The following CAST variants were observed in gnomAD, a reference collection of about 807,000 sequenced individuals.
The protein encoded by CAST is calpastatin, also known as MIR583 host.
Under a neutral mutation model 119.6 loss-of-function variants are expected in CAST, and 76 were observed. The observed-to-expected ratio is 0.64, with a 90% CI of 0.53 to 0.77. CAST has a LOEUF of 0.77. Ranked by LOEUF, CAST falls within the 30% of genes least tolerant of loss-of-function variation. The pLI is 0.00. For missense variants in CAST, 953 were observed against 946.5 expected (o/e 1.01, Z -0.09); for synonymous variants, 319 against 331.6 (o/e 0.96, Z 0.41).
the CAST span, among the ~76,000 whole-genome samples, chr5:96,455,845 G>C: frequency 9.2e-5 from 14 of 152,246 alleles, no homozygotes; most frequent in Non-Finnish European, 1.5e-4. Flanking sequence ...TTTATGTGTT[G>C]ATTTGTTCTT....
the CAST span, among the ~76,000 whole-genome samples, chr5:96,343,553 TACC>T: frequency 6.6e-6 from 1 of 152,218 alleles, no homozygotes; most frequent in African/African-American, 2.4e-5. Context: ...CTAAGGAGGC[TACC>T]TGTAAGGAGA....
At chr5:96,226,515 G>T in the CAST span, among the ~76,000 whole-genome samples, 1 of 152,026 alleles carries the variant, frequency 6.6e-6, no homozygotes, top group Non-Finnish European at 1.5e-5. Flanking sequence ...AGCCAGGGGT[G>T]GGGTGGTGGC....
chr5:95,994,504 T>A, the CAST span, among the ~76,000 whole-genome samples: 2 of 151,932 alleles, frequency 1.3e-5, no homozygotes, highest in African/African-American at 4.8e-5. Context: ...AAAGAGGAAA[T>A]TTTTTTGGGT....
At chr5:95,984,021 C>T in the CAST span, among the ~76,000 whole-genome samples, 1 of 152,160 alleles carries the variant, frequency 6.6e-6, no homozygotes, top group South Asian at 2.1e-4. Flanking sequence ...CAAACCTATA[C>T]TCCTGCCCCA....
the CAST span, among the ~76,000 whole-genome samples, chr5:96,211,300 C>G: frequency 6.6e-6 from 1 of 151,920 alleles, no homozygotes; most frequent in Non-Finnish European, 1.5e-5. Context: ...TGGCTTTAAC[C>G]AGTTGAGGAA....
Position 96,773,090 on chromosome 5 carries a change from C to T in CAST, c.*474C>T, listed in dbSNP as rs1773052841. ...CTGATTTCTTATTACCCCCTTTCCT[C>T]TTGGGCTTTTGAACTGTATTTGATG... is the stretch of plus-strand genomic sequence containing the variant. On this transcript the variant is annotated 3_prime_UTR_variant, in exon 32 of 32. Transcript: ENST00000675179. 1 of 153,832 alleles carries T rather than the reference C, an allele frequency of 6.5e-6. No individual in the cohort carries two copies. Among genetic ancestry groups the T allele is most frequent in the South Asian group, 2.1e-4 (1 of 4,830 alleles). The allele number at this position is 153,832 out of a possible 1,614,324, so 9.5% of individuals were successfully genotyped here. A position where few individuals can be genotyped will look rare whatever the true frequency, so the allele number is the denominator to read the frequency against.
chr5:96,642,698 C>T (rs1385763529), intron 1 of CAST, among the ~76,000 whole-genome samples: 3 of 151,922 alleles, frequency 2.0e-5, no homozygotes, highest in Admixed American at 2.0e-4. Flanking sequence ...CCCGGCACCA[C>T]GCCCAGCTAA....
At chr5:96,695,045 A>G (rs1753117698) in intron 2 of CAST, among the ~76,000 whole-genome samples, 1 of 152,226 alleles carries the variant, frequency 6.6e-6, no homozygotes, top group Non-Finnish European at 1.5e-5. Context: ...GTAACCCCCT[A>G]TTATGGGATG....
At chr5:96,069,067 GTA>G in the CAST span, among the ~76,000 whole-genome samples, 4 of 150,540 alleles carry the variant, frequency 2.7e-5, no homozygotes, top group Middle Eastern at 3.4e-3. Context: ...ATACAGATGT[GTA>G]TATATATGTA....
the CAST span, among the ~76,000 whole-genome samples, chr5:96,334,306 C>T: frequency 6.6e-6 from 1 of 152,174 alleles, no homozygotes; most frequent in Non-Finnish European, 1.5e-5. Context: ...TAGCCTATCA[C>T]AGTCACTGCT....
At chr5:96,105,621 G>T in the CAST span, among the ~76,000 whole-genome samples, 1 of 152,284 alleles carries the variant, frequency 6.6e-6, no homozygotes, top group Admixed American at 6.5e-5. Flanking sequence ...TTGATGTGCT[G>T]CTGGATTCGG....
chr5:96,682,838 G>A (rs1194384117), intron 2 of CAST, among the ~76,000 whole-genome samples: 2 of 152,080 alleles, frequency 1.3e-5, no homozygotes, highest in African/African-American at 2.4e-5. Flanking sequence ...ATGAGATGCA[G>A]GGAATAACTC....
At chr5:96,022,608 C>T in the CAST span, among the ~76,000 whole-genome samples, 1 of 152,294 alleles carries the variant, frequency 6.6e-6, no homozygotes, top group Non-Finnish European at 1.5e-5. Flanking sequence ...TCACGACATA[C>T]AATCCAATGA....
At chr5:96,144,937 C>A in the CAST span, among the ~76,000 whole-genome samples, 6 of 152,062 alleles carry the variant, frequency 3.9e-5, no homozygotes, top group African/African-American at 1.4e-4. Context: ...TAGAGAGATA[C>A]GGGTATGCTC....
chr5:96,307,883 A>G, the CAST span, among the ~76,000 whole-genome samples: 6 of 151,964 alleles, frequency 3.9e-5, no homozygotes, highest in Non-Finnish European at 8.8e-5. Context: ...CTGCCCTTAA[A>G]ATTTTTTCCT....
chr5:96,574,822 G>A (rs1746639190), intron 1 of CAST, among the ~76,000 whole-genome samples: 1 of 152,122 alleles, frequency 6.6e-6, no homozygotes, highest in Non-Finnish European at 1.5e-5. Flanking sequence ...TTTTGTACCT[G>A]TGCACCATAC....
chr5:96,768,092 G>A (rs1482870015), intron 29 of CAST, 93 bp downstream of exon 29: 6 of 856,366 alleles, frequency 7.0e-6, no homozygotes, highest in East Asian at 5.2e-5. Context: ...TCTATCTATC[G>A]GTCTGTCTTG....
At chr5:96,340,389 T>C in the CAST span, among the ~76,000 whole-genome samples, 1 of 152,084 alleles carries the variant, frequency 6.6e-6, no homozygotes, top group Non-Finnish European at 1.5e-5. Context: ...ATGGTTAACT[T>C]GTTTTTCATC....
At chr5:96,357,135 C>T in the CAST span, among the ~76,000 whole-genome samples, 1 of 152,052 alleles carries the variant, frequency 6.6e-6, no homozygotes, top group Non-Finnish European at 1.5e-5. Flanking sequence ...CTCTGTTTGT[C>T]TATTATTGGT....
Sources: allele counts gnomAD v4.1 joint callset (sites outside exome capture counted in the v4.1 genomes callset), GRCh38; gene constraint gnomAD v4.1.1; transcripts MANE v1.5; gene names NCBI Gene and HGNC (gene_info 2026-07-23, HGNC 2026-07-21).